The following EHMT1 variants were observed in gnomAD, a reference collection of about 807,000 sequenced individuals.
The protein encoded by EHMT1 is histone-lysine N-methyltransferase EHMT1.
In EHMT1, 15 loss-of-function variants were observed where a neutral mutation model predicts 147.2. The observed-to-expected ratio is 0.10, with a 90% CI of 0.07 to 0.16. EHMT1 has a LOEUF of 0.16. EHMT1 is among the 10% of genes least tolerant of loss of function. The pLI is 1.00. For synonymous variants in EHMT1, 795 were observed against 709.6 expected (o/e 1.12, Z -1.91); for missense variants, 1,587 against 1,772.4 (o/e 0.90, Z 1.88).
intron 25 of EHMT1, among the ~76,000 whole-genome samples, chr9:137,818,356 G>A (rs1021303906): frequency 1.3e-5 from 2 of 152,190 alleles, no homozygotes; most frequent in Admixed American, 6.5e-5. Context: ...CCCTGAGCCT[G>A]TGCAGCCAAC....
chr9:137,742,223 G>T (rs542793607), intron 4 of EHMT1, among the ~76,000 whole-genome samples: 1 of 151,778 alleles, frequency 6.6e-6, no homozygotes. Context: ...GGACCTACCC[G>T]CTTTGGATGG....
chr9:137,774,123 C>A (rs530599516), intron 10 of EHMT1, among the ~76,000 whole-genome samples: 1 of 152,208 alleles, frequency 6.6e-6, no homozygotes, highest in Admixed American at 6.5e-5. Context: ...CTTGGGGCTC[C>A]CACAGATTCA....
At chr9:137,672,213 G>A (rs1309709927) in intron 1 of EHMT1, among the ~76,000 whole-genome samples, 1 of 152,164 alleles carries the variant, frequency 6.6e-6, no homozygotes, top group Non-Finnish European at 1.5e-5. Flanking sequence ...TATCACTTTT[G>A]TTTCTTTTTT....
At chr9:137,629,136 A>G (rs1000657872) in intron 1 of EHMT1, among the ~76,000 whole-genome samples, 1 of 148,070 alleles carries the variant, frequency 6.8e-6, no homozygotes, top group Non-Finnish European at 1.5e-5. Flanking sequence ...CTCGTTGCCC[A>G]GGCTGGAGTG....
intron 1 of EHMT1, among the ~76,000 whole-genome samples, chr9:137,673,109 T>G (rs1940865660): frequency 6.6e-6 from 1 of 152,206 alleles, no homozygotes; most frequent in Admixed American, 6.5e-5. Flanking sequence ...TGCTTTGAAG[T>G]GCTTAGCAAA....
At chr9:137,739,822 A>C (rs1219058959) in intron 4 of EHMT1, among the ~76,000 whole-genome samples, 1 of 152,144 alleles carries the variant, frequency 6.6e-6, no homozygotes, top group Non-Finnish European at 1.5e-5. Flanking sequence ...AACAGTGCCA[A>C]ATACTGATCC....
chr9:137,821,133 C>G (rs1008497555), intron 25 of EHMT1, among the ~76,000 whole-genome samples: 7 of 152,284 alleles, frequency 4.6e-5, no homozygotes, highest in African/African-American at 1.7e-4. Context: ...GCCTTGGCCT[C>G]CCAAAGTGCT....
At chr9:137,621,931 C>T (rs1431029477) in intron 1 of EHMT1, among the ~76,000 whole-genome samples, 1 of 151,082 alleles carries the variant, frequency 6.6e-6, no homozygotes, top group African/African-American at 2.4e-5. Context: ...CTGTTCTCAT[C>T]TCCTGTCTTT....
intron 1 of EHMT1, among the ~76,000 whole-genome samples, chr9:137,667,938 T>C (rs1379362991): frequency 1.3e-5 from 2 of 152,088 alleles, no homozygotes; most frequent in Admixed American, 6.6e-5. Flanking sequence ...TCAGGGTAAA[T>C]TACCTTTTAG....
chr9:137,777,964 C>A lies in EHMT1; in HGVS notation c.2101C>A (p.Pro701Thr). ...GCCCGAGGGCTTTGATCCAACGGGA[C>A]CTGCTGGGCTTGGGAGGCCAACTCC... is the stretch of plus-strand genomic sequence containing the variant. ...HVPEGFDPTGPAGLGRPTPGL... is the reference protein window; with the variant it reads ...HVPEGFDPTGTAGLGRPTPGL... The change falls in exon 13 of 27, where the codon CCT becomes ACT. Residue 701 changes from proline to threonine, a missense_variant. Coordinates refer to ENST00000460843, the MANE Select transcript of EHMT1 (RefSeq NM_024757.5). The A allele has an allele frequency of 3.1e-6, 5 of 1,613,858 alleles. No homozygotes were observed. The highest frequency in any genetic ancestry group is 4.2e-6 in the Non-Finnish European group (5 of 1,180,028).
intron 6 of EHMT1, among the ~76,000 whole-genome samples, chr9:137,749,267 ATTTAC>A (rs1009182362): frequency 3.3e-5 from 5 of 151,734 alleles, no homozygotes; most frequent in South Asian, 2.1e-4. Flanking sequence ...TAAGTTCCCT[ATTTAC>A]TTTATTATTT....
chr9:137,794,841 T>C (rs191033313), intron 16 of EHMT1, among the ~76,000 whole-genome samples: 1 of 152,104 alleles, frequency 6.6e-6, no homozygotes, highest in African/African-American at 2.4e-5. Context: ...GATGGTGAAA[T>C]CAAACATGTT....
At chr9:137,669,376 T>TCACC (rs1564562595) in intron 1 of EHMT1, among the ~76,000 whole-genome samples, 3 of 4,678 alleles carry the variant, frequency 6.4e-4, no homozygotes, top group Admixed American at 2.6e-3. Flanking sequence ...GCACGTGCAC[T>TCACC]GGACTCCACC....
intron 18 of EHMT1, among the ~76,000 whole-genome samples, chr9:137,801,479 G>A (rs931022980): frequency 3.3e-5 from 5 of 151,842 alleles, no homozygotes; most frequent in African/African-American, 1.2e-4. Context: ...GTGCCACCGT[G>A]TCTGGCTAAT....
At chr9:137,780,763 G>A (rs1172069138) in intron 14 of EHMT1, among the ~76,000 whole-genome samples, 7 of 99,532 alleles carry the variant, frequency 7.0e-5, no homozygotes, top group Admixed American at 4.2e-4. Context: ...GATGACGCTG[G>A]GATGTGTGGT....
In EHMT1 at chr9:137,743,985, G is replaced by T. The variant is rs768149187; in HGVS notation, c.1065G>T (p.Glu355Asp). 1 of 1,614,044 alleles carries T rather than the reference G, an allele frequency of 6.2e-7. No individual in the cohort carries two copies. The highest frequency in any genetic ancestry group is 2.2e-5 in the East Asian group (1 of 44,880). The change falls in exon 6 of 27, where the codon GAG becomes GAT. Residue 355 changes from glutamate to aspartate, a missense_variant. Glu to Asp is a conservative substitution (Grantham distance 45, BLOSUM62 2). Around this residue, in one of 7 missense-constraint regions of EHMT1, gnomAD observed 810 missense variants for 673.0 expected, o/e 1.20. Coordinates refer to ENST00000460843, the MANE Select transcript of EHMT1 (RefSeq NM_024757.5). ...ACTCGGATGAGGACGACTCAGAGGAGCTCGAGGAGGACGACGGCCATGGTG... is the reference window on the plus strand; with the variant it reads ...ACTCGGATGAGGACGACTCAGAGGATCTCGAGGAGGACGACGGCCATGGTG... ...EMDSDEDDSE[E>D]LEEDDGHGAE...
intron 10 of EHMT1, among the ~76,000 whole-genome samples, chr9:137,772,460 C>G (rs887771534): frequency 3.3e-5 from 5 of 152,202 alleles, no homozygotes; most frequent in African/African-American, 1.2e-4. Flanking sequence ...TGACCCCTCA[C>G]CTGCGCCAGG....
In EHMT1 at chr9:137,728,413, A is replaced by G; in HGVS notation, c.707A>G (p.Glu236Gly). 3 of 1,614,236 alleles carry G rather than the reference A, an allele frequency of 1.9e-6. No individual in the cohort carries two copies. The highest frequency in any genetic ancestry group is 1.6e-4 in the Middle Eastern group (1 of 6,062). The change falls in exon 4 of 27, where the codon GAG becomes GGG. Residue 236 changes from glutamate to glycine, a missense_variant. Glu to Gly is a moderately conservative substitution (Grantham distance 98, BLOSUM62 -2). This residue lies in a region of EHMT1 where 810 missense variants were observed against 673.0 expected (regional missense o/e 1.20). Transcript: ENST00000460843. ...AGAGATCATAAGGAACCAAAAGAGG[A>G]GATCAACAAAAACATTTCTGACTTT... is the stretch of plus-strand genomic sequence containing the variant. ...EARDHKEPKEEINKNISDFGR... is the reference protein window; with the variant it reads ...EARDHKEPKEGINKNISDFGR...
intron 1 of EHMT1, among the ~76,000 whole-genome samples, chr9:137,655,635 G>A (rs1163113294): frequency 6.6e-6 from 1 of 152,228 alleles, no homozygotes; most frequent in Non-Finnish European, 1.5e-5. Context: ...GGGCCACCCA[G>A]CAGGACTTGA....
Sources: gnomAD v4.1 joint callset for allele counts (sites outside exome capture counted in the v4.1 genomes callset) on GRCh38, gnomAD v4.1.1 for gene constraint, gnomAD v4.1.1 regional missense constraint, MANE v1.5 for transcripts, NCBI Gene and HGNC (gene_info 2026-07-23, HGNC 2026-07-21) for gene names.